NPAS3: variants seen among roughly 807,000 people sequenced by gnomAD.
NPAS3 encodes neuronal PAS domain protein 3, also known as neuronal PAS domain-containing protein 3.
A neutral mutation model predicts 73.1 loss-of-function variants in NPAS3; 14 were observed. The observed-to-expected ratio is 0.19, with a 90% CI of 0.13 to 0.30. The LOEUF is 0.30. Among genes scored for constraint, NPAS3 ranks in the 10% least tolerant of loss-of-function variants. The pLI is 1.00. For synonymous variants in NPAS3, 620 were observed against 541.5 expected, an observed-to-expected ratio of 1.14 and a Z score of -2.01; for missense variants, 1,096 against 1,250.0, an observed-to-expected ratio of 0.88 and a Z score of 1.86.
At chr14:33,510,453 G>T (rs1333339421) in intron 4 of NPAS3, among the ~76,000 whole-genome samples, 2 of 151,990 alleles carry the variant, frequency 1.3e-5, no homozygotes, top group African/African-American at 4.8e-5. Flanking sequence ...CAGTTCCCAG[G>T]GTGGGTGGAG....
At chr14:33,310,235 A>G (rs2042944682) in intron 3 of NPAS3, among the ~76,000 whole-genome samples, 1 of 152,104 alleles carries the variant, frequency 6.6e-6, no homozygotes, top group African/African-American at 2.4e-5. Flanking sequence ...TAGCCTGTGG[A>G]TTTCTAAAGA....
At chr14:33,549,541 A>G (rs1459043959) in intron 4 of NPAS3, among the ~76,000 whole-genome samples, 1 of 152,168 alleles carries the variant, frequency 6.6e-6, no homozygotes, top group Non-Finnish European at 1.5e-5. Context: ...GAAAAAAACA[A>G]TCACAGTGAT....
At chr14:33,385,608 G>A (rs554052669) in intron 4 of NPAS3, among the ~76,000 whole-genome samples, 51 of 152,274 alleles carry the variant, frequency 3.3e-4, no homozygotes, top group African/African-American at 1.2e-3. Context: ...ACACACTGAA[G>A]TCTAGGCAGT....
chr14:33,033,278 A>G (rs1401535928), intron 1 of NPAS3, among the ~76,000 whole-genome samples: 1 of 152,124 alleles, frequency 6.6e-6, no homozygotes, highest in African/African-American at 2.4e-5. Context: ...CAGGAGTTCG[A>G]GAACAGCCTG....
At chr14:32,960,289 TA>T (rs1424439767) in intron 1 of NPAS3, among the ~76,000 whole-genome samples, 1 of 152,154 alleles carries the variant, frequency 6.6e-6, no homozygotes, top group Admixed American at 6.5e-5. Context: ...GGAAAAATAA[TA>T]TTTATTAGAG....
At chr14:33,037,314 A>G (rs2040201290) in intron 1 of NPAS3, among the ~76,000 whole-genome samples, 1 of 152,044 alleles carries the variant, frequency 6.6e-6, no homozygotes, top group Non-Finnish European at 1.5e-5. Flanking sequence ...TATACTAGCC[A>G]ACATATTTGT....
Position 33,127,672 on chromosome 14 carries a change from T to C in NPAS3, c.140+71678T>C, listed in dbSNP as rs146694763. On this transcript the variant is annotated intron_variant, in intron 2 of 11. Transcript: ENST00000356141. ...CAGGTACTGAGCACAAAAGCAAACA[T>C]TGAGAAGTTAGAAAGTTTCTGGAGT... Among the ~76,000 whole-genome samples, 74 of 152,222 alleles carry C rather than the reference T, an allele frequency of 4.9e-4. 1 individual carries two copies. Among genetic ancestry groups the C allele is most frequent in the African/African-American group, 1.8e-3 (74 of 41,544 alleles).
intron 3 of NPAS3, among the ~76,000 whole-genome samples, chr14:33,362,626 T>C (rs2045655183): frequency 6.6e-6 from 1 of 152,072 alleles, no homozygotes; most frequent in African/African-American, 2.4e-5. Context: ...AGGCTCAGTG[T>C]GGGAACAGAT....
At chr14:33,217,261 T>TTA (rs1473087506) in intron 3 of NPAS3, among the ~76,000 whole-genome samples, 3 of 152,212 alleles carry the variant, frequency 2.0e-5, no homozygotes, top group African/African-American at 7.2e-5. Context: ...ACACGTGGGA[T>TTA]TATTAATGCA....
intron 2 of NPAS3, among the ~76,000 whole-genome samples, chr14:33,117,508 A>G (rs374200213): frequency 6.6e-6 from 1 of 152,130 alleles, no homozygotes. Context: ...CAAAGAGTGC[A>G]GTGTTAATGG....
intron 6 of NPAS3, among the ~76,000 whole-genome samples, chr14:33,730,964 A>G (rs997413333): frequency 2.6e-5 from 4 of 152,216 alleles, no homozygotes; most frequent in African/African-American, 7.2e-5. Context: ...TTCATGTCTT[A>G]ACAACCTATG....
intron 5 of NPAS3, among the ~76,000 whole-genome samples, chr14:33,626,355 T>A (rs190285836): frequency 5.1e-4 from 77 of 152,332 alleles, no homozygotes; most frequent in African/African-American, 1.8e-3. Flanking sequence ...TAACAGAGGA[T>A]ACGTAAATAT....
At chr14:33,680,743 G>A (rs2059912189) in intron 6 of NPAS3, 1 of 673,696 alleles carries the variant, frequency 1.5e-6, no homozygotes, top group Non-Finnish European at 2.7e-6. Context: ...AGTTCATAGA[G>A]GGGAAAATCA....
chr14:33,262,341 T>G (rs2049004393), intron 3 of NPAS3, among the ~76,000 whole-genome samples: 1 of 152,192 alleles, frequency 6.6e-6, no homozygotes, highest in African/African-American at 2.4e-5. Flanking sequence ...CAGTTCTACT[T>G]TTTGCTCCAT....
At chr14:33,427,948 T>C (rs1186065649) in intron 4 of NPAS3, among the ~76,000 whole-genome samples, 1 of 152,130 alleles carries the variant, frequency 6.6e-6, no homozygotes, top group Non-Finnish European at 1.5e-5. Context: ...GCTATGAATG[T>C]TTATATAAAC....
At chr14:33,408,015 G>T (rs746911988) in intron 4 of NPAS3, among the ~76,000 whole-genome samples, 1 of 152,118 alleles carries the variant, frequency 6.6e-6, no homozygotes, top group Non-Finnish European at 1.5e-5. Context: ...TTCGAACATT[G>T]ATTTTTGATT....
chr14:33,446,166 C>CTTTTTTTTTTTTT (rs71118544), intron 4 of NPAS3, among the ~76,000 whole-genome samples: 2 of 120,010 alleles, frequency 1.7e-5, no homozygotes, highest in African/African-American at 6.4e-5. Context: ...TTCATGCTTT[C>CTTTTTTTTTTTTT]TTTTTTTTTT....
intron 9 of NPAS3, among the ~76,000 whole-genome samples, chr14:33,788,334 G>T (rs1012390425): frequency 1.3e-5 from 2 of 152,196 alleles, no homozygotes; most frequent in African/African-American, 4.8e-5. Flanking sequence ...TCGCCATGAC[G>T]ATAATGAAGC....
chr14:33,584,664 G>T (rs1159006071), intron 5 of NPAS3, among the ~76,000 whole-genome samples: 1 of 152,166 alleles, frequency 6.6e-6, no homozygotes, highest in African/African-American at 2.4e-5. Flanking sequence ...TACCCACAGA[G>T]TTTAGAGCCT....
Sources: allele counts gnomAD v4.1 joint callset (sites outside exome capture counted in the v4.1 genomes callset), GRCh38; gene constraint gnomAD v4.1.1; transcripts MANE v1.5; gene names NCBI Gene and HGNC (gene_info 2026-07-23, HGNC 2026-07-21).